TENM3: variants seen among roughly 807,000 people sequenced by gnomAD.
The protein encoded by TENM3 is teneurin transmembrane protein 3.
In TENM3, 63 loss-of-function variants were observed where a neutral mutation model predicts 255.1. The ratio of observed to expected loss-of-function variants is 0.25; its 90% CI spans 0.20 to 0.30. The LOEUF is 0.30. TENM3 is among the 10% of genes least tolerant of loss of function. The pLI, the probability that TENM3 is intolerant of heterozygous loss-of-function variation, is 1.00. For missense variants in TENM3, 2,929 were observed against 3,461.1 expected (o/e 0.85, Z 3.86); for synonymous variants, 1,306 against 1,322.3 (o/e 0.99, Z 0.27).
the TENM3 span, among the ~76,000 whole-genome samples, chr4:181,566,499 G>C: frequency 6.6e-6 from 1 of 152,158 alleles, no homozygotes; most frequent in African/African-American, 2.4e-5. Context: ...CTTGATTTCA[G>C]GATATAATAC....
intron 1 of TENM3, among the ~76,000 whole-genome samples, chr4:182,297,999 C>G (rs1670649352): frequency 6.6e-6 from 1 of 152,242 alleles, no homozygotes; most frequent in African/African-American, 2.4e-5. Context: ...TGGTCACTCA[C>G]TGCACTTCCT....
At chr4:182,665,499 A>G (rs1358712884) in intron 6 of TENM3, among the ~76,000 whole-genome samples, 1 of 152,218 alleles carries the variant, frequency 6.6e-6, no homozygotes, top group Non-Finnish European at 1.5e-5. Flanking sequence ...AGTCATATTT[A>G]ATTTAATTTC....
intron 3 of TENM3, among the ~76,000 whole-genome samples, chr4:182,520,775 A>T (rs1738488093): frequency 6.6e-6 from 1 of 152,220 alleles, no homozygotes; most frequent in Admixed American, 6.5e-5. Flanking sequence ...GTTTTATAAC[A>T]AAATGGCTTA....
the TENM3 span, among the ~76,000 whole-genome samples, chr4:181,812,217 C>T: frequency 2.6e-5 from 4 of 152,166 alleles, no homozygotes; most frequent in Admixed American, 6.5e-5. Flanking sequence ...ACTGTAACAA[C>T]GCTAACTAAA....
the TENM3 span, among the ~76,000 whole-genome samples, chr4:181,515,717 G>A: frequency 6.6e-6 from 1 of 152,016 alleles, no homozygotes; most frequent in African/African-American, 2.4e-5. Flanking sequence ...TTATAACTCA[G>A]TGGTTTTGCT....
chr4:182,151,442 T>C (rs1750346142), intron 1 of TENM3, among the ~76,000 whole-genome samples: 1 of 152,086 alleles, frequency 6.6e-6, no homozygotes, highest in South Asian at 2.1e-4. Context: ...AATTTGGAAT[T>C]TGTCAACACG....
At chr4:182,417,723 T>C (rs953329031) in intron 3 of TENM3, among the ~76,000 whole-genome samples, 2 of 152,298 alleles carry the variant, frequency 1.3e-5, no homozygotes, top group African/African-American at 4.8e-5. Flanking sequence ...TATTCCTAAA[T>C]GATAGTTACA....
chr4:181,596,846 C>T, the TENM3 span, among the ~76,000 whole-genome samples: 1 of 152,088 alleles, frequency 6.6e-6, no homozygotes, highest in South Asian at 2.1e-4. Flanking sequence ...AAACCAAATA[C>T]CACATGTTGT....
intron 1 of TENM3, among the ~76,000 whole-genome samples, chr4:182,243,922 C>T (rs1264984911): frequency 2.0e-5 from 3 of 147,970 alleles, no homozygotes; most frequent in Non-Finnish European, 4.5e-5. Context: ...TAGACTCTTC[C>T]AAGAATGGAA....
At chr4:182,781,805 T>G (rs1483983548) in intron 24 of TENM3, among the ~76,000 whole-genome samples, 45 of 150,438 alleles carry the variant, frequency 3.0e-4, no homozygotes, top group African/African-American at 9.2e-4. Context: ...GTCGAGGAAT[T>G]TATCCATTTC....
intron 1 of TENM3, among the ~76,000 whole-genome samples, chr4:182,200,925 A>G (rs151146894): frequency 0.056 from 8,228 of 147,658 alleles, 263 homozygotes; most frequent in Non-Finnish European, 0.07. Flanking sequence ...CCCGGGTTCC[A>G]GTGATTCTCC....
At chr4:182,688,483 T>G in intron 12 of TENM3, 132 bp downstream of exon 12, 1 of 694,080 alleles carries the variant, frequency 1.4e-6, no homozygotes, top group Non-Finnish European at 2.2e-6. Context: ...ACGAAATTAT[T>G]TTTTAAATAT....
intron 16 of TENM3, among the ~76,000 whole-genome samples, chr4:182,733,879 C>A (rs1760967704): frequency 6.6e-6 from 1 of 152,162 alleles, no homozygotes; most frequent in African/African-American, 2.4e-5. Flanking sequence ...GAGTCAGTAT[C>A]TGTCTGTAGG....
At chr4:181,710,890 A>T in the TENM3 span, among the ~76,000 whole-genome samples, 2 of 129,492 alleles carry the variant, frequency 1.5e-5, no homozygotes, top group South Asian at 4.5e-4. Context: ...GGAAAAAAAG[A>T]AAAAAAAAAA....
chr4:182,008,728 A>G, the TENM3 span, among the ~76,000 whole-genome samples: 3 of 151,902 alleles, frequency 2.0e-5, no homozygotes, highest in Non-Finnish European at 4.4e-5. Context: ...ACTTCTGTCA[A>G]TTTGTCCATC....
At chr4:181,728,036 T>A in the TENM3 span, among the ~76,000 whole-genome samples, 1 of 152,258 alleles carries the variant, frequency 6.6e-6, no homozygotes, top group African/African-American at 2.4e-5. Flanking sequence ...CAGATCAGTC[T>A]GATCTTTTTG....
At chr4:181,859,724 T>C in the TENM3 span, among the ~76,000 whole-genome samples, 1 of 152,218 alleles carries the variant, frequency 6.6e-6, no homozygotes, top group South Asian at 2.1e-4. Context: ...ATAATGCTTT[T>C]TAAAAGCTTG....
intron 1 of TENM3, among the ~76,000 whole-genome samples, chr4:182,283,506 G>A (rs956466366): frequency 1.3e-5 from 2 of 152,154 alleles, no homozygotes; most frequent in African/African-American, 2.4e-5. Flanking sequence ...CAGGCCATCC[G>A]ACTCCACGGT....
chr4:182,485,739 T>G (rs1734634299), intron 3 of TENM3, among the ~76,000 whole-genome samples: 1 of 152,184 alleles, frequency 6.6e-6, no homozygotes, highest in African/African-American at 2.4e-5. Flanking sequence ...GAGCAAATGC[T>G]GGTGTTAGGT....
Sources: gnomAD v4.1 joint callset for allele counts (sites outside exome capture counted in the v4.1 genomes callset) on GRCh38, gnomAD v4.1.1 for gene constraint, MANE v1.5 for transcripts, NCBI Gene and HGNC (gene_info 2026-07-23, HGNC 2026-07-21) for gene names.